Variants in SPOCK1 observed in about 807,000 individuals in gnomAD.
The protein encoded by SPOCK1 is testican-1.
Under a neutral mutation model 55.3 loss-of-function variants are expected in SPOCK1, and 23 were observed. That is an observed-to-expected ratio of 0.42 (90% confidence interval 0.30 to 0.59). The LOEUF (loss-of-function observed/expected upper bound fraction) is 0.59. SPOCK1 is among the 20% of genes least tolerant of loss of function. The pLI is 0.22. For synonymous variants in SPOCK1, 226 were observed against 221.0 expected (o/e 1.02, Z -0.20); for missense variants, 499 against 552.5 (o/e 0.90, Z 0.97).
At chr5:137,324,536 G>T (rs1758039089) in intron 2 of SPOCK1, among the ~76,000 whole-genome samples, 1 of 152,136 alleles carries the variant, frequency 6.6e-6, no homozygotes, top group African/African-American at 2.4e-5. Context: ...AGGAGATACT[G>T]CATCATTCTA....
chr5:137,187,731 CA>C (rs763398823), intron 3 of SPOCK1, among the ~76,000 whole-genome samples: 2 of 152,102 alleles, frequency 1.3e-5, no homozygotes, highest in Non-Finnish European at 2.9e-5. Flanking sequence ...CATTAAAATT[CA>C]ATATGTTAAT....
intron 3 of SPOCK1, among the ~76,000 whole-genome samples, chr5:137,222,112 A>G (rs538702141): frequency 6.6e-6 from 1 of 152,234 alleles, no homozygotes; most frequent in South Asian, 2.1e-4. Flanking sequence ...TCTGGCTTTT[A>G]TCATGTCACA....
intron 9 of SPOCK1, among the ~76,000 whole-genome samples, chr5:136,979,938 C>T (rs2074807): frequency 0.78 from 118,623 of 152,096 alleles, 47,903 homozygotes; most frequent in Middle Eastern, 0.9. Context: ...AAAGTGACTC[C>T]GTGAAATTGT....
chr5:137,461,317 T>C (rs1248793226), intron 2 of SPOCK1, among the ~76,000 whole-genome samples: 1 of 152,088 alleles, frequency 6.6e-6, no homozygotes, highest in Non-Finnish European at 1.5e-5. Flanking sequence ...AGCTACAGAG[T>C]TTCTAGTTTC....
At chr5:137,057,518 G>A (rs564412635) in intron 6 of SPOCK1, among the ~76,000 whole-genome samples, 1 of 152,302 alleles carries the variant, frequency 6.6e-6, no homozygotes, top group East Asian at 1.9e-4. Flanking sequence ...TTTTCAAACA[G>A]AGAATCATCA....
At chr5:137,479,068 G>T (rs1753896076) in intron 2 of SPOCK1, among the ~76,000 whole-genome samples, 1 of 151,578 alleles carries the variant, frequency 6.6e-6, no homozygotes, top group Non-Finnish European at 1.5e-5. Flanking sequence ...TCCCACCGAG[G>T]TGTGTTCCCA....
intron 4 of SPOCK1, among the ~76,000 whole-genome samples, chr5:137,130,734 G>A (rs1753858805): frequency 6.6e-6 from 1 of 152,204 alleles, no homozygotes. Context: ...TCACTGGGAA[G>A]CATGACACCA....
intron 5 of SPOCK1, among the ~76,000 whole-genome samples, chr5:137,092,266 G>GA (rs1022396837): frequency 2.6e-5 from 4 of 152,076 alleles, no homozygotes; most frequent in South Asian, 2.1e-4. Flanking sequence ...CAAATGCTAA[G>GA]AAAAAAAAGA....
chr5:137,323,966 C>A (rs1034355303), intron 2 of SPOCK1, among the ~76,000 whole-genome samples: 1 of 152,186 alleles, frequency 6.6e-6, no homozygotes, highest in African/African-American at 2.4e-5. Flanking sequence ...AGCCATCCCA[C>A]TTCCAAGTAT....
intron 3 of SPOCK1, among the ~76,000 whole-genome samples, chr5:137,261,005 G>A (rs1226137916): frequency 6.6e-6 from 1 of 152,080 alleles, no homozygotes; most frequent in East Asian, 1.9e-4. Flanking sequence ...AAACCAACCA[G>A]ACCAAACATG....
At chr5:137,403,920 A>G (rs890870587) in intron 2 of SPOCK1, among the ~76,000 whole-genome samples, 5 of 152,136 alleles carry the variant, frequency 3.3e-5, no homozygotes, top group African/African-American at 1.2e-4. Context: ...ATACGCTCTG[A>G]CTTAAATTTT....
intron 2 of SPOCK1, among the ~76,000 whole-genome samples, chr5:137,427,523 G>A (rs1259730970): frequency 6.6e-6 from 1 of 152,178 alleles, no homozygotes; most frequent in Non-Finnish European, 1.5e-5. Flanking sequence ...CCCCCATGGA[G>A]TAAGATGCCT....
chr5:137,044,341 C>T (rs1045884499), intron 6 of SPOCK1, among the ~76,000 whole-genome samples: 3 of 152,292 alleles, frequency 2.0e-5, no homozygotes, highest in Admixed American at 2.0e-4. Flanking sequence ...GTATTATTCA[C>T]TTTATCGTGA....
intron 2 of SPOCK1, among the ~76,000 whole-genome samples, chr5:137,271,370 T>C (rs1756960662): frequency 6.7e-6 from 1 of 148,948 alleles, no homozygotes. Flanking sequence ...CATATACATA[T>C]ATACACATTT....
chr5:137,164,145 A>T (rs889283622), intron 3 of SPOCK1, among the ~76,000 whole-genome samples: 1 of 152,194 alleles, frequency 6.6e-6, no homozygotes, highest in Non-Finnish European at 1.5e-5. Flanking sequence ...TGTTAATGGG[A>T]CCAAGAATAT....
chr5:137,197,096 T>A (rs990985148), intron 3 of SPOCK1, among the ~76,000 whole-genome samples: 3 of 152,168 alleles, frequency 2.0e-5, no homozygotes, highest in African/African-American at 7.2e-5. Flanking sequence ...GATCTTACAC[T>A]CTTTGGATGA....
chr5:137,197,197 A>G (rs1008953491), intron 3 of SPOCK1, among the ~76,000 whole-genome samples: 1 of 152,200 alleles, frequency 6.6e-6, no homozygotes, highest in African/African-American at 2.4e-5. Context: ...TCTGGAACTC[A>G]TATGTCCAGG....
intron 3 of SPOCK1, among the ~76,000 whole-genome samples, chr5:137,202,603 C>G (rs1755446578): frequency 6.6e-6 from 1 of 152,178 alleles, no homozygotes; most frequent in Non-Finnish European, 1.5e-5. Context: ...TTGAACAGCC[C>G]TTAGAGGCTT....
At chr5:137,190,690 C>T (rs1561466675) in intron 3 of SPOCK1, among the ~76,000 whole-genome samples, 1 of 152,166 alleles carries the variant, frequency 6.6e-6, no homozygotes, top group East Asian at 1.9e-4. Context: ...ACTGTTCTCC[C>T]TCTCCTGAAA....
Sources: allele counts gnomAD v4.1 joint callset (sites outside exome capture counted in the v4.1 genomes callset), GRCh38; gene constraint gnomAD v4.1.1; transcripts MANE v1.5; gene names NCBI Gene and HGNC (gene_info 2026-07-23, HGNC 2026-07-21).